ABCA9: variants seen among roughly 807,000 people sequenced by gnomAD.
ABCA9 encodes ATP binding cassette subfamily A member 9.
In ABCA9, 183 loss-of-function variants were observed where a neutral mutation model predicts 205.3. The observed-to-expected ratio is 0.89, with a 90% CI of 0.79 to 1.01. ABCA9 has a LOEUF of 1.01. Among genes scored for constraint, ABCA9 ranks in the 50% least tolerant of loss-of-function variants. The pLI is 0.00. For missense variants in ABCA9, 1,805 were observed against 1,912.4 expected (o/e 0.94, Z 1.05); for synonymous variants, 651 against 683.3 (o/e 0.95, Z 0.74).
Position 68,975,934 on chromosome 17 carries a change from A to T in ABCA9, c.4856T>A (p.Leu1619His). 6.2e-7 allele frequency: 1 copy of T among 1,613,018 alleles called. No homozygotes were observed. The highest frequency in any genetic ancestry group is 8.5e-7 in the Non-Finnish European group (1 of 1,179,476). The change falls in exon 39 of 39, where the codon CTC (leucine) becomes CAC (histidine). Residue 1619 changes from leucine to histidine, a missense_variant. Coordinates refer to ENST00000340001, the MANE Select transcript of ABCA9 (RefSeq NM_080283.4). Reference sequence around the variant, plus strand: ...GGAGCTTTAAGGCTCTTCCTGCAGGAGGAGTTTCCACTTCACCGAGGGATC... The same window carrying T: ...GGAGCTTTAAGGCTCTTCCTGCAGGTGGAGTTTCCACTTCACCGAGGGATC... Reference protein sequence around the residue: ...DFDPSVKWKLLLQEEP With the variant: ...DFDPSVKWKLHLQEEP
chr17:68,999,238 C>T (rs530588258), intron 25 of ABCA9, among the ~76,000 whole-genome samples: 2,630 of 142,682 alleles, frequency 0.018, 83 homozygotes, highest in African/African-American at 0.065. Flanking sequence ...AACTCGTCAT[C>T]TAGCATTAGG....
At chr17:68,979,174 C>G (rs2068967518) in intron 37 of ABCA9, among the ~76,000 whole-genome samples, 1 of 152,030 alleles carries the variant, frequency 6.6e-6, no homozygotes, top group Non-Finnish European at 1.5e-5. Flanking sequence ...GAGTGAACTC[C>G]CATTCACAAT....
At chr17:69,067,892 CAA>C in the ABCA9 span, among the ~76,000 whole-genome samples, 4 of 152,122 alleles carry the variant, frequency 2.6e-5, no homozygotes, top group Admixed American at 2.6e-4. Flanking sequence ...TACATAAAAA[CAA>C]AGAGTTTATT....
the ABCA9 span, chr17:69,078,880 T>C: frequency 6.9e-6 from 5 of 723,504 alleles, no homozygotes; most frequent in Admixed American, 3.5e-5. Context: ...CTGATGTTAA[T>C]TTTAAATGAT....
chr17:69,040,628 A>G (rs1334096669), intron 6 of ABCA9, among the ~76,000 whole-genome samples: 1 of 152,134 alleles, frequency 6.6e-6, no homozygotes, highest in Non-Finnish European at 1.5e-5. Flanking sequence ...CTTAGATGAA[A>G]GGTTGATGGT....
At position 68,976,670 on chromosome 17, in the gene ABCA9, A is replaced by T. The variant is rs183335477; in HGVS notation, c.4721-480T>A. On this transcript the variant is annotated intron_variant, in intron 37 of 38. Transcript: ENST00000340001. ...GTGCCTTGTTTCTCTCAAGGTAGTAAGTTCTACATGACTCTACCCTCAAGT... is the reference window on the plus strand; with the variant it reads ...GTGCCTTGTTTCTCTCAAGGTAGTATGTTCTACATGACTCTACCCTCAAGT... Among the ~76,000 whole-genome samples the T allele has an allele frequency of 2.9e-3, 442 of 152,280 alleles. 5 individuals are homozygous for T. The Middle Eastern group carries it at 0.031, about 11-fold the overall frequency.
chr17:69,021,952 A>G (rs2070824500), intron 17 of ABCA9, 91 bp from the exon 18 acceptor site: 2 of 1,102,268 alleles, frequency 1.8e-6, no homozygotes, highest in African/African-American at 1.6e-5. Context: ...AATAGGCCAA[A>G]TGTACTAATC....
rs2071036708 is a variant in ABCA9, at chr17:69,027,636, A to T, written c.1791+4T>A. 2 of 1,612,838 alleles carry T rather than the reference A, an allele frequency of 1.2e-6. No homozygotes were observed. Among genetic ancestry groups the T allele is most frequent in the Non-Finnish European group, 1.7e-6 (2 of 1,179,696 alleles). ...GCTATGTGACATCTAATATGCTCAC[A>T]TACCTCTTTCTCCACTTCATGTGGC... On this transcript the variant is annotated splice_donor_region_variant and intron_variant, in intron 13 of 38. Coordinates refer to ENST00000340001, the MANE Select transcript of ABCA9 (RefSeq NM_080283.4).
intron 28 of ABCA9, 59 bp from the exon 29 acceptor site, chr17:68,991,016 T>TAATG: frequency 6.4e-7 from 1 of 1,568,776 alleles, no homozygotes; most frequent in Non-Finnish European, 8.6e-7. Context: ...GTATCAAAAT[T>TAATG]AATGAATTTT....
chr17:69,012,202 G>T, intron 22 of ABCA9, 119 bp from the exon 23 acceptor site: 1 of 644,162 alleles, frequency 1.6e-6, no homozygotes, highest in Non-Finnish European at 2.6e-6. Flanking sequence ...GCTTCTCAAG[G>T]TCCTATATGC....
chr17:69,077,802 A>G, the ABCA9 span, among the ~76,000 whole-genome samples: 1 of 151,962 alleles, frequency 6.6e-6, no homozygotes, highest in South Asian at 2.1e-4. Context: ...TTGGTCTTTG[A>G]ATTTTTTTTT....
At chr17:69,009,908 T>C in intron 23 of ABCA9, among the ~76,000 whole-genome samples, 1 of 152,170 alleles carries the variant, frequency 6.6e-6, no homozygotes, top group Admixed American at 6.5e-5. Flanking sequence ...ACTTTTTGAG[T>C]ATAAATATGT....
At chr17:69,030,161 A>G (rs2144356512) in intron 10 of ABCA9, among the ~76,000 whole-genome samples, 1 of 152,368 alleles carries the variant, frequency 6.6e-6, no homozygotes, top group Admixed American at 6.5e-5. Context: ...GGTAGGTTGT[A>G]TTCGCCTGCT....
At chr17:68,980,914 T>C (rs1456924001) in intron 37 of ABCA9, among the ~76,000 whole-genome samples, 6 of 145,224 alleles carry the variant, frequency 4.1e-5, no homozygotes, top group Non-Finnish European at 3.0e-5. Context: ...TGAAGTATAA[T>C]AATATAAAAA....
chr17:69,045,540 A>G (rs1446789687), intron 3 of ABCA9, among the ~76,000 whole-genome samples: 1 of 152,006 alleles, frequency 6.6e-6, no homozygotes, highest in Non-Finnish European at 1.5e-5. Flanking sequence ...TTGTATTGCA[A>G]ATATAACTTA....
At chr17:69,025,983 A>G (rs538104111) in intron 16 of ABCA9, among the ~76,000 whole-genome samples, 1 of 152,286 alleles carries the variant, frequency 6.6e-6, no homozygotes, top group Non-Finnish European at 1.5e-5. Context: ...ATTATCAGTA[A>G]GAGAAAAAAA....
chr17:68,987,556 G>T (rs1227291822), intron 31 of ABCA9, among the ~76,000 whole-genome samples: 4 of 152,114 alleles, frequency 2.6e-5, no homozygotes, highest in African/African-American at 9.7e-5. Context: ...CCAACAGAAG[G>T]GCACTCTAGC....
At position 69,027,802 on chromosome 17, in the gene ABCA9, G is replaced by T; in HGVS notation, c.1629C>A (p.Val543=). ...LSVPTSGSVT[V]YNHTLSRMAD... is the part of the protein sequence containing the mutation. ...CCATTCTTGAAAGTGTGTGATTATA[G>T]ACAGTGACTGAACCTGAAAGCAGAA... Residue 543 remains valine (V), a synonymous_variant, in exon 13 of 39, where the codon GTC becomes GTA. Transcript: ENST00000340001. 4 of 1,606,916 alleles carry T rather than the reference G, an allele frequency of 2.5e-6. No homozygotes were observed. Among genetic ancestry groups the T allele is most frequent in the Non-Finnish European group, 3.4e-6 (4 of 1,176,904 alleles).
rs753659800 is a variant in ABCA9, at chr17:69,045,328, T to C, written c.313A>G (p.Ile105Val). 5.6e-6 allele frequency: 9 copies of C among 1,609,070 alleles called. No individual in the cohort carries two copies. The African/African-American group carries it at 1.1e-4, about 19-fold the overall frequency. Residue 105 changes from isoleucine (I) to valine (V), a missense_variant, in exon 4 of 39, where the codon ATC becomes GTC. Physicochemically the swap from Ile to Val is conservative, Grantham distance 29. Coordinates refer to ENST00000340001, the MANE Select transcript of ABCA9 (RefSeq NM_080283.4). ...CTTTTTTCATCAGGCCACCCCATGATTGTTCTTCCTGCCATGTGAAGAAAA... is the reference window on the plus strand; with the variant it reads ...CTTTTTTCATCAGGCCACCCCATGACTGTTCTTCCTGCCATGTGAAGAAAA... ...ASAPFLKGRT[I>V]MGWPDEKSMD...
Sources: gnomAD v4.1 joint callset for allele counts (sites outside exome capture counted in the v4.1 genomes callset) on GRCh38, gnomAD v4.1.1 for gene constraint, MANE v1.5 for transcripts, NCBI Gene and HGNC (gene_info 2026-07-23, HGNC 2026-07-21) for gene names.